PAFAH1B1: variants seen among roughly 807,000 people sequenced by gnomAD.
PAFAH1B1 encodes the protein platelet-activating factor acetylhydrolase IB subunit beta.
PAFAH1B1 carries 2 observed loss-of-function variants against 57.5 expected under a neutral mutation model. That is an observed-to-expected ratio of 0.03 (90% CI 0.01 to 0.11). PAFAH1B1 has a LOEUF of 0.11. Among genes scored for constraint, PAFAH1B1 ranks in the 10% least tolerant of loss-of-function variants. The pLI is 1.00. For missense variants in PAFAH1B1, 257 were observed against 512.0 expected, an observed-to-expected ratio of 0.50 and a Z score of 4.81; for synonymous variants, 152 against 169.6, an observed-to-expected ratio of 0.90 and a Z score of 0.81.
intron 9 of PAFAH1B1, among the ~76,000 whole-genome samples, chr17:2,676,808 C>A (rs919131647): frequency 6.6e-6 from 1 of 152,138 alleles, no homozygotes; most frequent in Non-Finnish European, 1.5e-5. Flanking sequence ...TATAAAGAAT[C>A]TGTAGAGCCA....
At chr17:2,672,781 C>A in intron 7 of PAFAH1B1, 24 bp downstream of exon 7, 3 of 1,451,902 alleles carry the variant, frequency 2.1e-6, no homozygotes, top group Non-Finnish European at 2.9e-6. Context: ...GTTGAAAAGG[C>A]ATCAGCGGCC....
rs145162724 is a variant in PAFAH1B1, at chr17:2,651,359, C to T, written c.32+13039C>T. Among the ~76,000 whole-genome samples the T allele has an allele frequency of 3.9e-3, 583 of 149,048 alleles. 2 individuals are homozygous for T. Among genetic ancestry groups the T allele is most frequent in the African/African-American group, 0.012 (500 of 40,274 alleles). ...TGGGAGACTGAGGCAGGCGGAACAC[C>T]TGAGGTCAGGGGTTCAAGACCAGAC... On this transcript the variant is annotated intron_variant, in intron 2 of 10. Transcript: ENST00000397195.
chr17:2,603,041 A>G lies in PAFAH1B1; in HGVS notation c.-191+9035A>G, dbSNP rs1597508960. Among the ~76,000 whole-genome samples, 4 of 152,096 alleles carry G rather than the reference A, an allele frequency of 2.6e-5. No individual in the cohort carries two copies. In the East Asian group the frequency reaches 7.7e-4, roughly 29 times the overall value. On this transcript the variant is annotated intron_variant, in intron 1 of 10. Transcript: ENST00000397195. The stretch of plus-strand genomic sequence containing the variant: ...AGCCCCACCTTGCTCACACTCTAAT[A>G]TATATATGCTTTCTCCCTCCCCACT...
chr17:2,606,888 A>G (rs1034705768), intron 1 of PAFAH1B1, among the ~76,000 whole-genome samples: 2 of 140,350 alleles, frequency 1.4e-5, no homozygotes, highest in Non-Finnish European at 3.0e-5. Flanking sequence ...GCAGTGGCGC[A>G]ATCTCAGCTC....
At chr17:2,679,622 TTGGATGATTGGATGGATGGATGGATGGA>T (rs1422768569) in intron 9 of PAFAH1B1, 7 of 56,344 alleles carry the variant, frequency 1.2e-4, no homozygotes, top group African/African-American at 3.9e-4. Flanking sequence ...GGATGGATGA[TTGGATGATTGGATGGATGGATGGATGGA>T]TGGATGGATG....
intron 9 of PAFAH1B1, among the ~76,000 whole-genome samples, chr17:2,677,681 C>T (rs945390320): frequency 3.3e-5 from 5 of 151,992 alleles, no homozygotes; most frequent in Non-Finnish European, 5.9e-5. Context: ...GGTGAAACCC[C>T]GTCTCTACTA....
chr17:2,651,529 G>A (rs1303629640), intron 2 of PAFAH1B1, among the ~76,000 whole-genome samples: 2 of 150,982 alleles, frequency 1.3e-5, no homozygotes, highest in East Asian at 3.9e-4. Context: ...AGGCTGCAGT[G>A]AGCCGAGCTT....
chr17:2,603,418 C>T (rs1039276751), intron 1 of PAFAH1B1, among the ~76,000 whole-genome samples: 9 of 151,984 alleles, frequency 5.9e-5, no homozygotes, highest in Non-Finnish European at 1.0e-4. Context: ...GTCAGGAGTT[C>T]GAGACCAGCC....
chr17:2,670,602 G>C (rs1410659591), intron 6 of PAFAH1B1, among the ~76,000 whole-genome samples: 1 of 152,156 alleles, frequency 6.6e-6, no homozygotes, highest in African/African-American at 2.4e-5. Context: ...ATCTGTATTT[G>C]AGTTAAAAAT....
intron 10 of PAFAH1B1, 164 bp from the exon 11 acceptor site, chr17:2,681,565 A>C: frequency 1.7e-6 from 1 of 605,976 alleles, no homozygotes; most frequent in East Asian, 2.8e-5. Flanking sequence ...TCCCAGCTCA[A>C]ACAGTTCTGC....
chr17:2,669,351 G>A (rs189379479), intron 5 of PAFAH1B1, among the ~76,000 whole-genome samples: 29 of 149,734 alleles, frequency 1.9e-4, no homozygotes, highest in Non-Finnish European at 2.5e-4. Context: ...TGCAGCCTCC[G>A]CCTCCCAGGT....
At chr17:2,660,887 A>G (rs932473479) in intron 2 of PAFAH1B1, among the ~76,000 whole-genome samples, 4 of 152,080 alleles carry the variant, frequency 2.6e-5, no homozygotes, top group Non-Finnish European at 4.4e-5. Context: ...AAGCATTCCT[A>G]TTTCTCCACA....
At chr17:2,614,763 T>C (rs559006931) in intron 1 of PAFAH1B1, among the ~76,000 whole-genome samples, 1 of 150,786 alleles carries the variant, frequency 6.6e-6, no homozygotes, top group East Asian at 1.9e-4. Flanking sequence ...TTTTCTTTTC[T>C]TTTTTTTTAG....
chr17:2,635,237 T>A (rs1209783847), intron 1 of PAFAH1B1: 1 of 152,210 alleles, frequency 6.6e-6, no homozygotes, highest in African/African-American at 2.4e-5. Context: ...TAATATAAAT[T>A]AAGTGTTCTT....
chr17:2,621,605 G>GTTTTTTTT lies in PAFAH1B1; in HGVS notation c.-190-16493_-190-16492insTTTTTTTT, dbSNP rs2068421993. Among the ~76,000 whole-genome samples, 14 of 93,240 alleles carry GTTTTTTTT rather than the reference G, an allele frequency of 1.5e-4. 4 individuals carry two copies. Among genetic ancestry groups the GTTTTTTTT allele is most frequent in the African/African-American group, 4.2e-4 (9 of 21,346 alleles). 61.2% of individuals were successfully genotyped at this position (93,240 alleles called of 152,430 possible). On this transcript the variant is annotated intron_variant, in intron 1 of 10. Coordinates refer to ENST00000397195, the MANE Select transcript of PAFAH1B1 (RefSeq NM_000430.4). ...GCTATTCAAGCATGGTAGATAATCT[G>GTTTTTTTT]TCTTTTTTTTTTTTTTTTTTTTTTT...
chr17:2,642,925 AGAAGTGT>A (rs2068715646), intron 2 of PAFAH1B1, among the ~76,000 whole-genome samples: 2 of 152,258 alleles, frequency 1.3e-5, no homozygotes, highest in African/African-American at 4.8e-5. Context: ...ACATGTACCC[AGAAGTGT>A]TACTCTCTTC....
chr17:2,593,979 C>A lies in PAFAH1B1; in HGVS notation c.-218C>A, dbSNP rs1567519245. 1 of 396,140 alleles carries A rather than the reference C, an allele frequency of 2.5e-6. No homozygotes were observed. The highest frequency in any genetic ancestry group is 3.6e-5 in the East Asian group (1 of 27,838). 24.5% of individuals were successfully genotyped at this position (396,140 alleles called of 1,614,324 possible). A position where few individuals can be genotyped will look rare whatever the true frequency, so the allele number is the denominator to read the frequency against. On this transcript the variant is annotated 5_prime_UTR_variant, in exon 1 of 11. Coordinates refer to ENST00000397195, the MANE Select transcript of PAFAH1B1 (RefSeq NM_000430.4). ...GATGGGAGTGAAGGACGGAAGAGGC[C>A]CTGCGGAGGCGGCGGTGCAGCGCTC...
At chr17:2,668,743 A>G (rs1375228774) in intron 5 of PAFAH1B1, among the ~76,000 whole-genome samples, 4 of 152,050 alleles carry the variant, frequency 2.6e-5, no homozygotes, top group African/African-American at 7.2e-5. Context: ...TGGGAGGCCA[A>G]GGTGGGTGGA....
chr17:2,626,580 G>A (rs936113479), intron 1 of PAFAH1B1, among the ~76,000 whole-genome samples: 5 of 89,324 alleles, frequency 5.6e-5, no homozygotes, highest in Non-Finnish European at 8.3e-5. Flanking sequence ...CCGAGGCGGA[G>A]TCTTGTTCTG....
Sources: allele counts gnomAD v4.1 joint callset (sites outside exome capture counted in the v4.1 genomes callset), GRCh38; gene constraint gnomAD v4.1.1; transcripts MANE v1.5; gene names NCBI Gene and HGNC (gene_info 2026-07-23, HGNC 2026-07-21).